Variants in POLR1B observed in about 807,000 individuals in gnomAD.
POLR1B encodes the protein RNA polymerase I subunit B, also known as DNA-directed RNA polymerase I subunit RPA2.
POLR1B carries 30 observed loss-of-function variants against 105.8 expected under a neutral mutation model. The observed-to-expected ratio is 0.28, with a 90% CI of 0.21 to 0.38. The LOEUF is 0.38. Ranked by LOEUF, POLR1B falls within the 10% of genes least tolerant of loss-of-function variation. The pLI is 1.00. For synonymous variants in POLR1B, 485 were observed against 505.1 expected (o/e 0.96, Z 0.53); for missense variants, 976 against 1,435.8 (o/e 0.68, Z 5.17).
At chr2:112,547,319 A>G in intron 2 of POLR1B, 102 bp from the exon 3 acceptor site, 2 of 1,491,090 alleles carry the variant, frequency 1.3e-6, no homozygotes, top group Non-Finnish European at 9.1e-7. Context: ...TAAGGCATAA[A>G]ATAATTTAAT....
At chr2:112,567,931 G>A (rs1372210771) in intron 10 of POLR1B, 36 bp from the exon 11 acceptor site, 8 of 1,585,730 alleles carry the variant, frequency 5.0e-6, no homozygotes, top group Non-Finnish European at 6.9e-6. Context: ...ATGGCCTTGG[G>A]ACAGGTTTGT....
chr2:112,574,508 A>G (rs758030551), intron 14 of POLR1B, among the ~76,000 whole-genome samples: 1 of 152,072 alleles, frequency 6.6e-6, no homozygotes, highest in Non-Finnish European at 1.5e-5. Context: ...TTCCTTAAGC[A>G]CAGGAGTTCA....
At chr2:112,550,130 A>C (rs1683289646) in intron 4 of POLR1B, among the ~76,000 whole-genome samples, 1 of 151,982 alleles carries the variant, frequency 6.6e-6, no homozygotes, top group Admixed American at 6.5e-5. Context: ...CACTTTTGCA[A>C]ACTGAAAGAG....
intron 9 of POLR1B, among the ~76,000 whole-genome samples, chr2:112,563,146 C>T (rs1684093651): frequency 6.6e-6 from 1 of 151,522 alleles, no homozygotes; most frequent in Non-Finnish European, 1.5e-5. Context: ...GCTCTGCCTC[C>T]CGGGTTCACG....
intron 14 of POLR1B, 44 bp from the exon 15 acceptor site, chr2:112,574,803 G>A: frequency 3.4e-6 from 5 of 1,485,892 alleles, no homozygotes; most frequent in Non-Finnish European, 4.6e-6. Flanking sequence ...ATCTCCATAA[G>A]TTAAAACAAA....
intron 7 of POLR1B, among the ~76,000 whole-genome samples, chr2:112,553,068 T>C (rs2104524617): frequency 6.6e-6 from 1 of 152,352 alleles, no homozygotes; most frequent in Non-Finnish European, 1.5e-5. Context: ...AAAAAGCAAA[T>C]GGCCTGTATT....
At chr2:112,562,374 G>A (rs765277706) in intron 9 of POLR1B, among the ~76,000 whole-genome samples, 1 of 152,064 alleles carries the variant, frequency 6.6e-6, no homozygotes, top group Non-Finnish European at 1.5e-5. Flanking sequence ...CTGTCCCCTT[G>A]CTACTTCTTT....
chr2:112,575,268 A>T lies in POLR1B; in HGVS notation c.2947A>T (p.Ile983Phe). The change falls in exon 15 of 15, where the codon ATC becomes TTC. Residue 983 changes from isoleucine to phenylalanine, a missense_variant. Around this residue, in one of 12 missense-constraint regions of POLR1B, gnomAD observed 40 missense variants for 49.6 expected, o/e 0.81. Transcript: ENST00000263331. The surrounding 1 kb of genome is among the most constrained non-coding windows in gnomAD (Gnocchi z 5.3). ...FYGTERLYSG[I>F]SGLELEADIF... ...TGGCACCGAGAGGTTATATAGTGGC[A>T]TCAGTGGGCTAGAACTGGAAGCAGA... 6.2e-7 allele frequency: 1 copy of T among 1,614,178 alleles called. No individual in the cohort carries two copies.
In POLR1B at chr2:112,578,540, C is replaced by T. The variant is rs1332709653; in HGVS notation, c.*2811C>T. On this transcript the variant is annotated 3_prime_UTR_variant, in exon 15 of 15. Transcript: ENST00000263331. ...CACAGTACTCCATAGTATGAATATA[C>T]TATGTACATAGCATATATATTTATA... Among the ~76,000 whole-genome samples the T allele has an allele frequency of 6.6e-6, 1 of 152,080 alleles. No homozygotes were observed. Among genetic ancestry groups the T allele is most frequent in the Non-Finnish European group, 1.5e-5 (1 of 68,016 alleles).
rs977339179 is a variant in POLR1B, at chr2:112,545,084, T to G, written c.178-1928T>G. Among the ~76,000 whole-genome samples the G allele has an allele frequency of 2.6e-5, 4 of 152,288 alleles. No individual in the cohort carries two copies. In the South Asian group the frequency reaches 6.2e-4, roughly 24 times the overall value. On this transcript the variant is annotated intron_variant, in intron 1 of 14. Transcript: ENST00000263331. ...TCTTCACTATCTATTTAGTGCCGTG[T>G]TTTGTGCTTTTTGTTGGTGATTTTG...
At position 112,577,903 on chromosome 2, in the gene POLR1B, T is replaced by C. The variant is rs2104589929; in HGVS notation, c.*2174T>C. 6.6e-6 allele frequency among the ~76,000 whole-genome samples: 1 copy of C among 151,212 alleles called. No individual in the cohort carries two copies. On this transcript the variant is annotated 3_prime_UTR_variant, in exon 15 of 15. Coordinates refer to ENST00000263331, the MANE Select transcript of POLR1B (RefSeq NM_019014.6). ...TTTAATAGAAAAGATAGGCTTTGCT[T>C]CAGGAAGCTGGTTGAGAAGAAGAAG... is the stretch of plus-strand genomic sequence containing the variant.
rs1398440598 is a variant in POLR1B at position 112,579,521 on chromosome 2, GAACA to G, written c.*3795_*3798del. 1 of 152,088 alleles carries G rather than the reference GAACA, an allele frequency of 6.6e-6. No individual in the cohort carries two copies. Among genetic ancestry groups the G allele is most frequent in the Non-Finnish European group, 1.5e-5 (1 of 68,026 alleles). 9.4% of individuals were successfully genotyped at this position (152,088 alleles called of 1,614,324 possible). On this transcript the variant is annotated 3_prime_UTR_variant, in exon 15 of 15. Transcript: ENST00000263331. ...AAGTGAAGCAGTGGGAGTGGAAAAAGAACAAATAAATCTGTAAGTGGTTGTGATC... is the reference window on the plus strand; with the variant it reads ...AAGTGAAGCAGTGGGAGTGGAAAAAGAATAAATCTGTAAGTGGTTGTGATC...
Position 112,578,789 on chromosome 2 carries a change from TG to T in POLR1B, c.*3061del, listed in dbSNP as rs1406010419. Among the ~76,000 whole-genome samples, 1 of 152,218 alleles carries T rather than the reference TG, an allele frequency of 6.6e-6. No individual in the cohort carries two copies. Among genetic ancestry groups the T allele is most frequent in the Non-Finnish European group, 1.5e-5 (1 of 68,036 alleles). The stretch of plus-strand genomic sequence containing the variant: ...TTTTTCTATACATACATACCTTTGA[TG>T]TTTAATTAAGCACTGCAAGAAACTG... On this transcript the variant is annotated 3_prime_UTR_variant, in exon 15 of 15. Transcript: ENST00000263331.
chr2:112,577,093 G>A lies in POLR1B; in HGVS notation c.*1364G>A, dbSNP rs997944027. The A allele has an allele frequency of 4.6e-5, 7 of 152,148 alleles. No homozygotes were observed. Among genetic ancestry groups the A allele is most frequent in the African/African-American group, 1.4e-4 (6 of 41,400 alleles). 9.4% of individuals were successfully genotyped at this position (152,148 alleles called of 1,614,324 possible). On this transcript the variant is annotated 3_prime_UTR_variant, in exon 15 of 15. Transcript: ENST00000263331. Reference sequence around the variant, plus strand: ...GACTTATCTTTGGCCATTATAAACTGTTGATAATAGATCATCTTGTATATA... The same window carrying A: ...GACTTATCTTTGGCCATTATAAACTATTGATAATAGATCATCTTGTATATA...
rs1314723649 is a variant in POLR1B at position 112,572,048 on chromosome 2, G to A, written c.2075-514G>A. Among the ~76,000 whole-genome samples, 11 of 151,990 alleles carry A rather than the reference G, an allele frequency of 7.2e-5. No individual in the cohort carries two copies. In the East Asian group the frequency reaches 1.3e-3, roughly 19 times the overall value. On this transcript the variant is annotated intron_variant, in intron 12 of 14. Transcript: ENST00000263331. ...TGTATTTATATTTTAAAATCATTTT[G>A]TCGTGAAATGATTCTCTGTACTGTG...
At position 112,551,913 on chromosome 2, in the gene POLR1B, C is replaced by A. The variant is rs761661527; in HGVS notation, c.901C>A (p.Leu301Ile). The A allele has an allele frequency of 2.5e-6, 4 of 1,614,038 alleles. No homozygotes were observed. Among genetic ancestry groups the A allele is most frequent in the Admixed American group, 1.7e-5 (1 of 60,000 alleles). ...EEGCSTQKQV[L>I]NYLGECFRVK... is the part of the protein sequence containing the mutation. ...GGGTTGTTCGACACAAAAACAGGTC[C>A]TTAACTACCTAGGTGAATGCTTCAG... Residue 301 changes from leucine (L) to isoleucine (I), a missense_variant, in exon 6 of 15, where the codon CTT (leucine) becomes ATT (isoleucine). Leu to Ile is a conservative substitution (Grantham distance 5). Transcript: ENST00000263331.
At chr2:112,570,767 GTTTC>G (rs1196649187) in intron 12 of POLR1B, among the ~76,000 whole-genome samples, 1 of 137,044 alleles carries the variant, frequency 7.3e-6, no homozygotes, top group African/African-American at 2.7e-5. Context: ...ACTTCTACTT[GTTTC>G]TTTTTTTTTT....
In POLR1B at chr2:112,576,720, AG is replaced by A. The variant is rs1389762930; in HGVS notation, c.*993del. The A allele has an allele frequency of 6.6e-6, 1 of 152,204 alleles. No homozygotes were observed. The highest frequency in any genetic ancestry group is 1.5e-5 in the Non-Finnish European group (1 of 68,058). The allele number at this position is 152,204 out of a possible 1,614,324, so 9.4% of individuals were successfully genotyped here. ...CTGCTATTTGAGAGGCTGAGGTGGG[AG>A]GATCATTTGAGTGCAGGAGTTCAAG... On this transcript the variant is annotated 3_prime_UTR_variant, in exon 15 of 15. Transcript: ENST00000263331.
At chr2:112,564,609 G>A in intron 10 of POLR1B, 110 bp downstream of exon 10, 4 of 1,414,022 alleles carry the variant, frequency 2.8e-6, no homozygotes, top group Non-Finnish European at 9.8e-7. Context: ...AGTGGTCAGG[G>A]GGTCACAATG....
Sources: allele counts gnomAD v4.1 joint callset (sites outside exome capture counted in the v4.1 genomes callset), GRCh38; gene constraint gnomAD v4.1.1; regional missense constraint gnomAD v4.1.1; non-coding constraint Gnocchi (gnomAD v3.1); transcripts MANE v1.5; gene names NCBI Gene and HGNC (gene_info 2026-07-23, HGNC 2026-07-21).